Variants in TRNAU1AP observed in about 807,000 individuals in gnomAD.
TRNAU1AP encodes the protein tRNA selenocysteine 1-associated protein 1.
A neutral mutation model predicts 43.3 loss-of-function variants in TRNAU1AP; 33 were observed. The ratio of observed to expected loss-of-function variants is 0.76; its 90% confidence interval spans 0.58 to 1.02. The LOEUF (loss-of-function observed/expected upper bound fraction) is 1.02, where lower values mean the gene tolerates loss of function less well. TRNAU1AP is among the 50% of genes least tolerant of loss of function. The pLI, the probability that TRNAU1AP is intolerant of heterozygous loss-of-function variation, is 0.00. For missense variants in TRNAU1AP, 290 were observed against 362.7 expected (o/e 0.80, Z 1.63); for synonymous variants, 143 against 129.1 (o/e 1.11, Z -0.73).
chr1:28,557,078 T>G (rs1278468497), intron 2 of TRNAU1AP, among the ~76,000 whole-genome samples: 1 of 151,616 alleles, frequency 6.6e-6, no homozygotes, highest in Non-Finnish European at 1.5e-5. Flanking sequence ...CCTCCCAAAG[T>G]GCTGGATTAC....
intron 7 of TRNAU1AP, 110 bp downstream of exon 7, chr1:28,571,448 A>G: frequency 8.5e-7 from 1 of 1,173,076 alleles, no homozygotes; most frequent in South Asian, 1.4e-5. Context: ...TTCAGAAAAA[A>G]TAGGGAAAGT....
intron 2 of TRNAU1AP, among the ~76,000 whole-genome samples, chr1:28,560,346 A>G (rs565089964): frequency 6.8e-6 from 1 of 147,042 alleles, no homozygotes; most frequent in East Asian, 2.0e-4. Flanking sequence ...GTGTGGCATG[A>G]TCTCAGCTCA....
At chr1:28,573,036 CTT>C (rs534588648) in intron 8 of TRNAU1AP, among the ~76,000 whole-genome samples, 19 of 133,708 alleles carry the variant, frequency 1.4e-4, no homozygotes, top group Admixed American at 2.3e-4. Flanking sequence ...TTTTCTTTTT[CTT>C]TTTTTTTTTT....
intron 6 of TRNAU1AP, among the ~76,000 whole-genome samples, chr1:28,569,134 A>G (rs1473223810): frequency 6.6e-6 from 1 of 152,142 alleles, no homozygotes; most frequent in Non-Finnish European, 1.5e-5. Context: ...TTTGAAAGCA[A>G]TGATTTAGGG....
chr1:28,556,345 T>A (rs1246346852), intron 2 of TRNAU1AP, among the ~76,000 whole-genome samples: 4 of 151,564 alleles, frequency 2.6e-5, no homozygotes, highest in Non-Finnish European at 5.9e-5. Context: ...ACACCTGTAA[T>A]TCCAACTACT....
intron 4 of TRNAU1AP, among the ~76,000 whole-genome samples, chr1:28,562,378 G>A (rs1665430649): frequency 6.6e-6 from 1 of 152,052 alleles, no homozygotes; most frequent in Non-Finnish European, 1.5e-5. Flanking sequence ...CCACTGACAA[G>A]TCATTGCAGT....
At chr1:28,567,205 C>T (rs546020884) in intron 5 of TRNAU1AP, 89 bp from the exon 6 acceptor site, 19 of 1,427,498 alleles carry the variant, frequency 1.3e-5, no homozygotes, top group African/African-American at 2.9e-5. Flanking sequence ...ACATTCCTGC[C>T]CACCTTCTTA....
rs553308254 is a variant in TRNAU1AP at position 28,568,936 on chromosome 1, C to T, written c.530+1523C>T. Among the ~76,000 whole-genome samples, 447 of 152,128 alleles carry T rather than the reference C, an allele frequency of 2.9e-3. 7 individuals carry two copies. The highest frequency in any genetic ancestry group is 6.8e-3 in the Middle Eastern group (2 of 294). On this transcript the variant is annotated intron_variant, in intron 6 of 8. Transcript: ENST00000373830. ...AAGCGATTCTCCTGCCTCAGCCTCCCGAGTAGCTGGGACTACAGGCATGTG... is the reference window on the plus strand; with the variant it reads ...AAGCGATTCTCCTGCCTCAGCCTCCTGAGTAGCTGGGACTACAGGCATGTG...
chr1:28,560,552 A>G, intron 2 of TRNAU1AP, 81 bp from the exon 3 acceptor site: 1 of 1,154,516 alleles, frequency 8.7e-7, no homozygotes, highest in South Asian at 1.3e-5. Flanking sequence ...TTGGGATTAT[A>G]TGCGTGAGCC....
Position 28,564,749 on chromosome 1 carries a change from G to A in TRNAU1AP, c.325G>A (p.Asp109Asn). The A allele has an allele frequency of 6.2e-7, 1 of 1,614,176 alleles. No individual in the cohort carries two copies. The highest frequency in any genetic ancestry group is 8.5e-7 in the Non-Finnish European group (1 of 1,180,026). ...FVGDLTPDVD[D>N]GMLYEFFVKV... ...GGGGGACCTGACCCCGGACGTGGAT[G>A]ATGGCATGCTGTATGAATTCTTCGT... The change falls in exon 5 of 9, where the codon GAT becomes AAT. Residue 109 changes from aspartate (D) to asparagine (N), a missense_variant. Physicochemically the swap from Asp to Asn is conservative, Grantham distance 23 (BLOSUM62 1). This residue lies in a region of TRNAU1AP where 174 missense variants were observed against 262.1 expected (regional missense o/e 0.66). Transcript: ENST00000373830.
chr1:28,561,392 A>G lies in TRNAU1AP; in HGVS notation c.272A>G (p.Asp91Gly), dbSNP rs1665400751. 1 of 1,614,138 alleles carries G rather than the reference A, an allele frequency of 6.2e-7. No homozygotes were observed. The highest frequency in any genetic ancestry group is 8.5e-7 in the Non-Finnish European group (1 of 1,179,996). The change falls in exon 4 of 9, where the codon GAT becomes GGT. Residue 91 changes from aspartate to glycine, a missense_variant. Asp to Gly is a moderately conservative substitution (Grantham distance 94, BLOSUM62 -1). Around this residue, in one of 3 missense-constraint regions of TRNAU1AP, gnomAD observed 174 missense variants for 262.1 expected, o/e 0.66. Transcript: ENST00000373830. ...LNYATYGKQP[D>G]NSPEYSLFVG... ...TATGCCACTTACGGGAAACAACCAG[A>G]TAACAGGTAGGTACAAAGTCATGTC...
At chr1:28,561,916 C>CA (rs1325976336) in intron 4 of TRNAU1AP, among the ~76,000 whole-genome samples, 2 of 152,122 alleles carry the variant, frequency 1.3e-5, no homozygotes, top group Non-Finnish European at 2.9e-5. Context: ...ACTAAAAATA[C>CA]AACAAATTAG....
chr1:28,575,156 C>CT (rs928235735), intron 8 of TRNAU1AP, among the ~76,000 whole-genome samples: 19 of 152,022 alleles, frequency 1.2e-4, no homozygotes, highest in African/African-American at 4.1e-4. Flanking sequence ...CTTTTTAATC[C>CT]TTTTTTTGTT....
intron 8 of TRNAU1AP, among the ~76,000 whole-genome samples, chr1:28,575,524 G>A (rs1243355549): frequency 6.7e-6 from 1 of 150,246 alleles, no homozygotes; most frequent in Non-Finnish European, 1.5e-5. Context: ...GTGCAGTGGC[G>A]CGATCTCAGC....
intron 8 of TRNAU1AP, 54 bp downstream of exon 8, chr1:28,571,954 G>T: frequency 6.7e-7 from 1 of 1,483,420 alleles, no homozygotes; most frequent in Non-Finnish European, 9.4e-7. Flanking sequence ...GACTGCTGTG[G>T]CTGGCACTGT....
chr1:28,575,189 T>C (rs1367721255), intron 8 of TRNAU1AP, among the ~76,000 whole-genome samples: 3 of 152,172 alleles, frequency 2.0e-5, no homozygotes, highest in Non-Finnish European at 2.9e-5. Context: ...AGAGTCTTGC[T>C]CTGTCACCAG....
At chr1:28,576,896 A>G (rs1665798809) in intron 8 of TRNAU1AP, among the ~76,000 whole-genome samples, 1 of 152,134 alleles carries the variant, frequency 6.6e-6, no homozygotes, top group Non-Finnish European at 1.5e-5. Flanking sequence ...ACTGTGCAGA[A>G]AAAATTTTTA....
Position 28,577,686 on chromosome 1 carries a change from T to C in TRNAU1AP, c.*50T>C. On this transcript the variant is annotated 3_prime_UTR_variant, in exon 9 of 9. Transcript: ENST00000373830. ...GCATGATGTGAGGGAGATGAGAGAC[T>C]CCTTTTTAAAAATTGTGAAACCTTT... 1 of 1,545,080 alleles carries C rather than the reference T, an allele frequency of 6.5e-7. No homozygotes were observed. Among genetic ancestry groups the C allele is most frequent in the Non-Finnish European group, 8.7e-7 (1 of 1,145,882 alleles).
At position 28,567,426 on chromosome 1, in the gene TRNAU1AP, G is replaced by T. The variant is rs1424909544; in HGVS notation, c.530+13G>T. 6.3e-7 allele frequency: 1 copy of T among 1,592,632 alleles called. No homozygotes were observed. Among genetic ancestry groups the T allele is most frequent in the Non-Finnish European group, 8.5e-7 (1 of 1,174,572 alleles). ...CAATCCCTAAAGCGTGAGTCCTGCA[G>T]GGAAGGTAGAGAGACTCTAGACTCC... is the stretch of plus-strand genomic sequence containing the variant. On this transcript the variant is annotated intron_variant, in intron 6 of 8. Transcript: ENST00000373830.
Sources: allele counts gnomAD v4.1 joint callset (sites outside exome capture counted in the v4.1 genomes callset), GRCh38; gene constraint gnomAD v4.1.1; regional missense constraint gnomAD v4.1.1; transcripts MANE v1.5; gene names NCBI Gene and HGNC (gene_info 2026-07-23, HGNC 2026-07-21).